SND1: variants seen among roughly 807,000 people sequenced by gnomAD.
The protein encoded by SND1 is staphylococcal nuclease domain-containing protein 1.
Under a neutral mutation model 121.7 loss-of-function variants are expected in SND1, and 38 were observed. That is an observed-to-expected ratio of 0.31 (90% CI 0.24 to 0.41). SND1 has a LOEUF of 0.41. SND1 is among the 10% of genes least tolerant of loss of function. SND1 has a pLI of 1.00. For missense variants in SND1, 868 were observed against 1,184.6 expected (o/e 0.73, Z 3.92); for synonymous variants, 401 against 447.4 (o/e 0.90, Z 1.31).
intron 5 of SND1, among the ~76,000 whole-genome samples, 153 bp from the exon 6 acceptor site, chr7:127,702,282 C>G (rs147583482): frequency 2.5e-4 from 38 of 152,290 alleles, no homozygotes; most frequent in Admixed American, 1.1e-3. Flanking sequence ...TATGTAAACT[C>G]TCATGATCTG....
chr7:128,040,846 T>A (rs1366452125), intron 16 of SND1, among the ~76,000 whole-genome samples: 2 of 152,260 alleles, frequency 1.3e-5, no homozygotes, highest in Non-Finnish European at 2.9e-5. Flanking sequence ...GTTCATTTTC[T>A]TTAAACATCA....
In SND1 at chr7:127,929,232, A is replaced by G. The variant is rs1800911256; in HGVS notation, c.1572A>G (p.Ala524=). 1.2e-6 allele frequency: 2 copies of G among 1,613,958 alleles called. No individual in the cohort carries two copies. The highest frequency in any genetic ancestry group is 1.3e-5 in the African/African-American group (1 of 74,928). Residue 524 remains alanine, a synonymous_variant, in exon 15 of 24, where the codon GCA becomes GCG. Transcript: ENST00000354725. ...AGTTCCTGCCTTTTCTTCAGCGGGC[A>G]GGTCGTTCTGAAGCTGTGGTGGAAT... ...AKQFLPFLQR[A]GRSEAVVEYV...
chr7:127,783,835 A>G (rs894077395), intron 10 of SND1, among the ~76,000 whole-genome samples: 2 of 152,230 alleles, frequency 1.3e-5, no homozygotes, highest in Non-Finnish European at 2.9e-5. Flanking sequence ...TCATGTATGA[A>G]ATAGTATGGT....
At chr7:128,030,162 T>C in intron 16 of SND1, 1 of 1,614,176 alleles carries the variant, frequency 6.2e-7, no homozygotes, top group Non-Finnish European at 8.5e-7. Context: ...GGGGATGCTT[T>C]CGATGGGGTT....
At chr7:127,700,689 G>C (rs890367871) in intron 4 of SND1, among the ~76,000 whole-genome samples, 1 of 152,144 alleles carries the variant, frequency 6.6e-6, no homozygotes, top group African/African-American at 2.4e-5. Context: ...GTAGTTGGGG[G>C]GTAACATTAT....
At chr7:127,771,852 TTCTG>T (rs1346385677) in intron 10 of SND1, among the ~76,000 whole-genome samples, 2 of 152,170 alleles carry the variant, frequency 1.3e-5, no homozygotes, top group Non-Finnish European at 2.9e-5. Context: ...TCATGTCTAT[TTCTG>T]TCTGCTTGGT....
intron 11 of SND1, among the ~76,000 whole-genome samples, chr7:127,837,447 G>A (rs899085708): frequency 6.6e-6 from 1 of 152,138 alleles, no homozygotes; most frequent in African/African-American, 2.4e-5. Flanking sequence ...TTTCAACATG[G>A]CTACTAGGAA....
At chr7:127,826,547 C>T (rs1798646025) in intron 11 of SND1, among the ~76,000 whole-genome samples, 1 of 152,132 alleles carries the variant, frequency 6.6e-6, no homozygotes, top group Non-Finnish European at 1.5e-5. Context: ...ATTTAAGAAG[C>T]TTGATAGATT....
At chr7:127,983,386 A>T (rs1163145446) in intron 15 of SND1, among the ~76,000 whole-genome samples, 4 of 152,152 alleles carry the variant, frequency 2.6e-5, no homozygotes. Flanking sequence ...GTCTATAGAA[A>T]GGAGAGGTGT....
At chr7:127,988,663 G>C (rs1802452046) in intron 15 of SND1, among the ~76,000 whole-genome samples, 1 of 152,220 alleles carries the variant, frequency 6.6e-6, no homozygotes, top group Non-Finnish European at 1.5e-5. Flanking sequence ...AATACCAAGA[G>C]AGTGACAAAG....
At chr7:128,026,430 C>A (rs1803479841) in intron 16 of SND1, among the ~76,000 whole-genome samples, 1 of 152,270 alleles carries the variant, frequency 6.6e-6, no homozygotes, top group East Asian at 1.9e-4. Context: ...GCCTCTCTTT[C>A]CCTCCTTAGT....
At chr7:127,855,764 T>G (rs1036930915) in intron 12 of SND1, among the ~76,000 whole-genome samples, 3 of 152,230 alleles carry the variant, frequency 2.0e-5, no homozygotes, top group Non-Finnish European at 4.4e-5. Flanking sequence ...CATGTCCAGC[T>G]ATTTCTTTAA....
intron 15 of SND1, among the ~76,000 whole-genome samples, chr7:127,976,832 G>A (rs1483185248): frequency 6.6e-6 from 1 of 152,096 alleles, no homozygotes; most frequent in Non-Finnish European, 1.5e-5. Flanking sequence ...ACAGTGCCTG[G>A]GGCTGCTGCT....
chr7:127,923,665 G>A (rs1303859945), intron 14 of SND1, among the ~76,000 whole-genome samples: 1 of 152,214 alleles, frequency 6.6e-6, no homozygotes, highest in Non-Finnish European at 1.5e-5. Flanking sequence ...GAGGAAGAGT[G>A]TGGAGCGATA....
intron 13 of SND1, among the ~76,000 whole-genome samples, chr7:127,893,020 A>T (rs1387129360): frequency 6.6e-6 from 1 of 152,100 alleles, no homozygotes; most frequent in South Asian, 2.1e-4. Context: ...ACATATGCCT[A>T]GTCTTGGCGA....
At chr7:127,813,552 G>A (rs1798371678) in intron 11 of SND1, among the ~76,000 whole-genome samples, 1 of 152,026 alleles carries the variant, frequency 6.6e-6, no homozygotes, top group South Asian at 2.1e-4. Flanking sequence ...GTTATTTGTT[G>A]TTGTTGTTGT....
intron 16 of SND1, among the ~76,000 whole-genome samples, chr7:128,024,114 T>G (rs145588891): frequency 5.3e-5 from 8 of 151,804 alleles, no homozygotes; most frequent in Non-Finnish European, 1.0e-4. Context: ...GAAGCCCTTA[T>G]CACTGCTCCA....
chr7:127,952,982 G>C (rs1801496721), intron 15 of SND1, among the ~76,000 whole-genome samples: 1 of 152,064 alleles, frequency 6.6e-6, no homozygotes, highest in Admixed American at 6.5e-5. Flanking sequence ...TGGCCATATA[G>C]TGAGACCCCC....
At chr7:127,918,156 A>G (rs1430456746) in intron 14 of SND1, among the ~76,000 whole-genome samples, 6 of 150,018 alleles carry the variant, frequency 4.0e-5, no homozygotes, top group South Asian at 2.1e-4. Context: ...TCTGCCTCCC[A>G]CAAGTTCAAG....
Sources: allele counts gnomAD v4.1 joint callset (sites outside exome capture counted in the v4.1 genomes callset), GRCh38; gene constraint gnomAD v4.1.1; transcripts MANE v1.5; gene names NCBI Gene and HGNC (gene_info 2026-07-23, HGNC 2026-07-21).